TXNL4A: variants seen among roughly 807,000 people sequenced by gnomAD.
The protein encoded by TXNL4A is thioredoxin-like protein 4A.
Under a neutral mutation model 14.6 loss-of-function variants are expected in TXNL4A, and 17 were observed. That is an observed-to-expected ratio of 1.16 (90% CI 0.80 to 1.74). The LOEUF (loss-of-function observed/expected upper bound fraction) is 1.74, where lower values mean the gene tolerates loss of function less well. TXNL4A is among the 40% of genes most tolerant of loss of function. TXNL4A has a pLI of 0.00. For synonymous variants in TXNL4A, 83 were observed against 70.6 expected (o/e 1.18, Z -0.88); for missense variants, 74 against 195.2 (o/e 0.38, Z 3.70).
chr18:79,998,303 A>G (rs932095931), intron 1 of TXNL4A, among the ~76,000 whole-genome samples: 2 of 152,148 alleles, frequency 1.3e-5, no homozygotes, highest in Non-Finnish European at 2.9e-5. Flanking sequence ...AAAAAAAAAA[A>G]AAAGAAAGAA....
At chr18:79,974,022 G>C (rs144427492) in intron 2 of TXNL4A, among the ~76,000 whole-genome samples, 166 bp from the exon 3 acceptor site, 6 of 152,218 alleles carry the variant, frequency 3.9e-5, no homozygotes, top group African/African-American at 1.4e-4. Context: ...ACAGGAAGCA[G>C]CTAAATGTGT....
rs1398753604 is a variant in TXNL4A at position 79,993,926 on chromosome 18, C to T, written c.-60-16225G>A. On this transcript the variant is annotated intron_variant, in intron 1 of 2. Coordinates refer to the TXNL4A transcript ENST00000585474. This position sits in a 1 kb window ranked among gnomAD's most constrained non-coding sequence, Gnocchi z 4.4. ...CCCCTGACACACTTTACCAGGTAGCCGCGACAAGCGTGGACTGAACTGGTT... is the reference window on the plus strand; with the variant it reads ...CCCCTGACACACTTTACCAGGTAGCTGCGACAAGCGTGGACTGAACTGGTT... Among the ~76,000 whole-genome samples, 5 of 152,102 alleles carry T rather than the reference C, an allele frequency of 3.3e-5. No individual in the cohort carries two copies. Among genetic ancestry groups the T allele is most frequent in the Non-Finnish European group, 5.9e-5 (4 of 68,032 alleles).
At chr18:79,978,977 G>A (rs149969982) in intron 1 of TXNL4A, among the ~76,000 whole-genome samples, 71 of 149,672 alleles carry the variant, frequency 4.7e-4, no homozygotes, top group African/African-American at 1.6e-3. Context: ...TCGATCTGTC[G>A]CCTGGTCTGG....
At chr18:80,032,753 T>C (rs1455746333) in intron 1 of TXNL4A, among the ~76,000 whole-genome samples, 1 of 152,092 alleles carries the variant, frequency 6.6e-6, no homozygotes, top group Admixed American at 6.5e-5. Flanking sequence ...GGCGGGAGAA[T>C]TGTTTGAACC....
At chr18:80,020,155 A>C (rs2051838949) in intron 1 of TXNL4A, among the ~76,000 whole-genome samples, 1 of 152,222 alleles carries the variant, frequency 6.6e-6, no homozygotes, top group Admixed American at 6.5e-5. Context: ...CTCTTTGCCC[A>C]CCACCATCCA....
intron 1 of TXNL4A, among the ~76,000 whole-genome samples, chr18:80,029,494 C>T (rs2051907502): frequency 6.6e-6 from 1 of 152,210 alleles, no homozygotes; most frequent in East Asian, 1.9e-4. Context: ...TTGGAAAAAT[C>T]CTACTAGAAA....
intron 1 of TXNL4A, among the ~76,000 whole-genome samples, chr18:80,006,028 G>T (rs1017168528): frequency 6.6e-6 from 1 of 152,200 alleles, no homozygotes; most frequent in East Asian, 1.9e-4. Flanking sequence ...AGGAGGCTGA[G>T]GCAGGAGGAC....
chr18:79,978,962 G>C (rs1270391213), intron 1 of TXNL4A, among the ~76,000 whole-genome samples: 2 of 149,844 alleles, frequency 1.3e-5, no homozygotes, highest in African/African-American at 4.9e-5. Context: ...TTTTGAGACG[G>C]AGTCTCGATC....
At position 79,988,226 on chromosome 18, in the gene TXNL4A, G is replaced by T. The variant is rs572276922; in HGVS notation, c.153+14C>A. 69 of 1,511,886 alleles carry T rather than the reference G, an allele frequency of 4.6e-5. No individual in the cohort carries two copies. In the South Asian group the frequency reaches 8.0e-4, roughly 18 times the overall value. The allele number at this position is 1,511,886 out of a possible 1,614,324, so 93.7% of individuals were successfully genotyped here. A position where few individuals can be genotyped will look rare whatever the true frequency, so the allele number is the denominator to read the frequency against. ...GAAGCACAGCCCGCAGAGCGGGAGA[G>T]TCCGGCGCGCTACCTTCTCGGCGAT... On this transcript the variant is annotated intron_variant, in intron 1 of 2. Coordinates refer to ENST00000269601, the MANE Select transcript of TXNL4A (RefSeq NM_006701.5).
chr18:79,983,655 A>T lies in TXNL4A; in HGVS notation c.153+4585T>A, dbSNP rs573604497. Among the ~76,000 whole-genome samples, 9 of 152,234 alleles carry T rather than the reference A, an allele frequency of 5.9e-5. No homozygotes were observed. In the South Asian group the frequency reaches 1.5e-3, roughly 25 times the overall value. On this transcript the variant is annotated intron_variant, in intron 1 of 2. Transcript: ENST00000269601. ...TTTAGGTAATTCATGTCAAAGCCAT[A>T]AAAAAAACTGAAAAACTTGACTTTC...
intron 1 of TXNL4A, among the ~76,000 whole-genome samples, chr18:79,983,132 C>G (rs1035280345): frequency 3.9e-5 from 6 of 152,110 alleles, no homozygotes; most frequent in Non-Finnish European, 7.3e-5. Flanking sequence ...TCCCGAGTAG[C>G]TGGGATTACA....
rs7228838 is a variant in TXNL4A, at chr18:79,977,954, C to G, written c.154-253G>C. 1,677 of 478,838 alleles carry G rather than the reference C, an allele frequency of 3.5e-3. 20 individuals are homozygous for G. The highest frequency in any genetic ancestry group is 0.03 in the African/African-American group (1,527 of 51,570). 29.7% of individuals were successfully genotyped at this position (478,838 alleles called of 1,614,324 possible). ...AAAGTGCTGGGATTATAGGAGTGAG[C>G]CATCACTCCTGGCCAACGGGGCAAT... On this transcript the variant is annotated intron_variant, in intron 1 of 2. Coordinates refer to ENST00000269601, the MANE Select transcript of TXNL4A (RefSeq NM_006701.5).
At chr18:79,975,004 G>T (rs2051357377) in intron 2 of TXNL4A, among the ~76,000 whole-genome samples, 1 of 152,190 alleles carries the variant, frequency 6.6e-6, no homozygotes, top group Non-Finnish European at 1.5e-5. Context: ...TCTGATCAGG[G>T]TCTGGAGCCC....
At chr18:80,023,430 C>T (rs59984754) in intron 1 of TXNL4A, among the ~76,000 whole-genome samples, 1,995 of 152,198 alleles carry the variant, frequency 0.013, 28 homozygotes, top group African/African-American at 0.045. Flanking sequence ...GCAAACGTTA[C>T]GTAAAAACTC....
At chr18:79,976,047 A>T (rs895315230) in intron 2 of TXNL4A, among the ~76,000 whole-genome samples, 1 of 152,154 alleles carries the variant, frequency 6.6e-6, no homozygotes, top group African/African-American at 2.4e-5. Context: ...CACCTCACAG[A>T]TCTTCTCAAC....
intron 2 of TXNL4A, 128 bp from the exon 3 acceptor site, chr18:79,973,984 G>C (rs563206491): frequency 1.5e-5 from 19 of 1,253,076 alleles, no homozygotes; most frequent in East Asian, 2.4e-5. Flanking sequence ...GCATAAAATC[G>C]AGAGTGTATG....
At chr18:80,017,566 G>C (rs1197792161) in intron 1 of TXNL4A, among the ~76,000 whole-genome samples, 1 of 152,128 alleles carries the variant, frequency 6.6e-6, no homozygotes, top group Non-Finnish European at 1.5e-5. Context: ...AGAGTTTTTA[G>C]CATGAAGTGT....
At chr18:79,974,819 G>A (rs987044542) in intron 2 of TXNL4A, among the ~76,000 whole-genome samples, 13 of 152,106 alleles carry the variant, frequency 8.5e-5, no homozygotes, top group Admixed American at 3.3e-4. Context: ...TGCTAAGGCC[G>A]GACTCAAACC....
intron 1 of TXNL4A, among the ~76,000 whole-genome samples, chr18:79,979,903 G>C (rs1261294357): frequency 6.6e-6 from 1 of 152,190 alleles, no homozygotes; most frequent in Non-Finnish European, 1.5e-5. Flanking sequence ...TTAGAAGCTT[G>C]TAGCCACTTA....
Sources: allele counts gnomAD v4.1 joint callset (sites outside exome capture counted in the v4.1 genomes callset), GRCh38; gene constraint gnomAD v4.1.1; non-coding constraint Gnocchi (gnomAD v3.1); transcripts MANE v1.5; gene names NCBI Gene and HGNC (gene_info 2026-07-23, HGNC 2026-07-21).